IP6K1: variants seen among roughly 807,000 people sequenced by gnomAD.
The protein encoded by IP6K1 is ATP:1D-myo-inositol-hexakisphosphate phosphotransferase.
Under a neutral mutation model 38.3 loss-of-function variants are expected in IP6K1, and 13 were observed. The ratio of observed to expected loss-of-function variants is 0.34; its 90% CI spans 0.22 to 0.54. IP6K1 has a LOEUF of 0.54. IP6K1 is among the 20% of genes least tolerant of loss of function. The pLI, the probability that IP6K1 is intolerant of heterozygous loss-of-function variation, is 0.92. For synonymous variants in IP6K1, 212 were observed against 229.9 expected (o/e 0.92, Z 0.70); for missense variants, 397 against 599.8 (o/e 0.66, Z 3.53).
chr3:49,731,907 G>GAAAAAAAAAAAAA (rs1277207284), intron 4 of IP6K1, among the ~76,000 whole-genome samples: 15 of 69,034 alleles, frequency 2.2e-4, no homozygotes, highest in Non-Finnish European at 1.3e-4. Context: ...AAAAAAAAAG[G>GAAAAAAAAAAAAA]AATTCCTATG....
intron 1 of IP6K1, among the ~76,000 whole-genome samples, chr3:49,758,851 T>C (rs946817783): frequency 1.3e-5 from 2 of 151,730 alleles, no homozygotes; most frequent in Non-Finnish European, 1.5e-5. Flanking sequence ...TCCCAGCTAC[T>C]CTGGGAGGCT....
chr3:49,774,019 AAC>A (rs1248562343), intron 1 of IP6K1, among the ~76,000 whole-genome samples: 4 of 102,818 alleles, frequency 3.9e-5, no homozygotes. Context: ...ACACACACAC[AAC>A]ACACACATAA....
intron 4 of IP6K1, among the ~76,000 whole-genome samples, chr3:49,730,113 G>C (rs1176316639): frequency 1.3e-5 from 2 of 151,892 alleles, no homozygotes; most frequent in Non-Finnish European, 2.9e-5. Flanking sequence ...GACTGGTCTG[G>C]AACTCTTGAC....
At chr3:49,775,472 TG>T in intron 1 of IP6K1, 3 of 568,894 alleles carry the variant, frequency 5.3e-6, no homozygotes, top group Non-Finnish European at 9.3e-6. Context: ...GTGGAGGCCC[TG>T]GGGTCTCTGG....
At chr3:49,775,928 G>C (rs1429690378) in intron 1 of IP6K1, among the ~76,000 whole-genome samples, 2 of 151,542 alleles carry the variant, frequency 1.3e-5, no homozygotes, top group Non-Finnish European at 2.9e-5. Flanking sequence ...GATCTTCTAA[G>C]AAATAATATT....
At chr3:49,736,873 G>A (rs1179990139) in intron 3 of IP6K1, among the ~76,000 whole-genome samples, 10 of 150,242 alleles carry the variant, frequency 6.7e-5, no homozygotes, top group East Asian at 2.0e-4. Flanking sequence ...CTGGGTTCAC[G>A]CCATTCTCCT....
At chr3:49,749,819 C>T (rs995821882) in intron 1 of IP6K1, among the ~76,000 whole-genome samples, 4 of 148,776 alleles carry the variant, frequency 2.7e-5, no homozygotes, top group African/African-American at 9.8e-5. Flanking sequence ...TATTTTAATG[C>T]ACATACACTT....
At chr3:49,729,833 A>G (rs2080548266) in intron 4 of IP6K1, among the ~76,000 whole-genome samples, 1 of 152,052 alleles carries the variant, frequency 6.6e-6, no homozygotes, top group Admixed American at 6.5e-5. Flanking sequence ...TGGGCTCAAA[A>G]GATCCTCCCA....
chr3:49,775,463 TG>T, intron 1 of IP6K1: 1 of 532,670 alleles, frequency 1.9e-6, no homozygotes. Context: ...GTGTGATCTG[TG>T]GAGGCCCTGG....
chr3:49,766,958 C>CAA lies in IP6K1; in HGVS notation c.-128-18792_-128-18791dup, dbSNP rs144308874. ...GGGTGACAAGAGCAAGACTCCGTCT[C>CAA]AAAAAAAAAAAAAAAAAAAAAAAAA... On this transcript the variant is annotated intron_variant, in intron 1 of 5. Transcript: ENST00000321599. Among the ~76,000 whole-genome samples the CAA allele has an allele frequency of 3.2e-3, 177 of 55,406 alleles. 4 individuals carry two copies. Among genetic ancestry groups the CAA allele is most frequent in the Middle Eastern group, 0.032 (2 of 62 alleles). 36.3% of individuals were successfully genotyped at this position (55,406 alleles called of 152,430 possible).
At chr3:49,729,076 C>G (rs2108220563) in intron 4 of IP6K1, among the ~76,000 whole-genome samples, 1 of 152,116 alleles carries the variant, frequency 6.6e-6, no homozygotes, top group Admixed American at 6.5e-5. Flanking sequence ...TGCTTGTACC[C>G]ATTAAATAGC....
At chr3:49,760,994 G>A (rs762300096) in intron 1 of IP6K1, among the ~76,000 whole-genome samples, 10 of 152,148 alleles carry the variant, frequency 6.6e-5, no homozygotes, top group African/African-American at 4.8e-5. Context: ...CAATGCTAAC[G>A]TTTTAAAGTC....
chr3:49,755,247 T>C (rs1195623940), intron 1 of IP6K1, among the ~76,000 whole-genome samples: 1 of 152,066 alleles, frequency 6.6e-6, no homozygotes, highest in Non-Finnish European at 1.5e-5. Context: ...ACATTTGCAA[T>C]GTTTTTATAG....
rs1489182857 is a variant in IP6K1, at chr3:49,727,842, C to CA, written c.793-188dup. Among the ~76,000 whole-genome samples the CA allele has an allele frequency of 6.6e-6, 1 of 152,216 alleles. No homozygotes were observed. Among genetic ancestry groups the CA allele is most frequent in the East Asian group, 1.9e-4 (1 of 5,192 alleles). The stretch of plus-strand genomic sequence containing the variant: ...TTGCAGAACCAAGAGAAAGCAATAC[C>CA]AGGCCTATGGGTTCCCTGCCCCCAG... On this transcript the variant is annotated intron_variant, in intron 5 of 5. Coordinates refer to ENST00000321599, the MANE Select transcript of IP6K1 (RefSeq NM_153273.4). This position sits in a 1 kb window ranked among gnomAD's most constrained non-coding sequence, Gnocchi z 5.9.
chr3:49,780,002 T>A (rs774254812), intron 1 of IP6K1, among the ~76,000 whole-genome samples: 3 of 152,162 alleles, frequency 2.0e-5, no homozygotes, highest in Admixed American at 6.6e-5. Context: ...CCTAGATTTT[T>A]ATGTATTTAT....
chr3:49,727,104 G>A lies in IP6K1; in HGVS notation c.*18C>T. On this transcript the variant is annotated 3_prime_UTR_variant, in exon 6 of 6. Transcript: ENST00000321599. This position sits in a 1 kb window ranked among gnomAD's most constrained non-coding sequence, Gnocchi z 5.9. Reference sequence around the variant, plus strand: ...CCTGCAGTGGAGAGGAAGGGGTTCTGGGGGCCCAGAACAGGGCCTACTGGT... The same window carrying A: ...CCTGCAGTGGAGAGGAAGGGGTTCTAGGGGCCCAGAACAGGGCCTACTGGT... 3 of 1,567,126 alleles carry A rather than the reference G, an allele frequency of 1.9e-6. No individual in the cohort carries two copies. Among genetic ancestry groups the A allele is most frequent in the Non-Finnish European group, 2.6e-6 (3 of 1,153,874 alleles).
rs753710470 is a variant in IP6K1, at chr3:49,738,441, T to C, written c.224-19A>G. Reference sequence around the variant, plus strand: ...ACCACGCCTGTTAAAAAAAGGGCAGTTGGTAAACAAATGTCAACACAGGCC... The same window carrying C: ...ACCACGCCTGTTAAAAAAAGGGCAGCTGGTAAACAAATGTCAACACAGGCC... On this transcript the variant is annotated intron_variant, in intron 2 of 5. Coordinates refer to ENST00000321599, the MANE Select transcript of IP6K1 (RefSeq NM_153273.4). 10 of 1,598,920 alleles carry C rather than the reference T, an allele frequency of 6.3e-6. No individual in the cohort carries two copies. In the Admixed American group the frequency reaches 1.7e-4, roughly 27 times the overall value.
chr3:49,750,021 A>G (rs952827970), intron 1 of IP6K1, among the ~76,000 whole-genome samples: 4 of 152,146 alleles, frequency 2.6e-5, no homozygotes, highest in Admixed American at 2.6e-4. Context: ...CTACCATATC[A>G]ATATACCACT....
chr3:49,750,374 G>A (rs1271246510), intron 1 of IP6K1, among the ~76,000 whole-genome samples: 6 of 152,160 alleles, frequency 3.9e-5, no homozygotes, highest in African/African-American at 1.2e-4. Context: ...AGTGCCAGGT[G>A]ACCCAGAAGA....
Sources: allele counts gnomAD v4.1 joint callset (sites outside exome capture counted in the v4.1 genomes callset), GRCh38; gene constraint gnomAD v4.1.1; non-coding constraint Gnocchi (gnomAD v3.1); transcripts MANE v1.5; gene names NCBI Gene and HGNC (gene_info 2026-07-23, HGNC 2026-07-21).